COBLL1: variants seen among roughly 807,000 people sequenced by gnomAD.
The protein encoded by COBLL1 is cordon-bleu WH2 repeat protein like 1, also known as cordon-bleu protein-like 1.
In COBLL1, 50 loss-of-function variants were observed where a neutral mutation model predicts 94.8. The observed-to-expected ratio is 0.53, with a 90% CI of 0.42 to 0.67. COBLL1 has a LOEUF of 0.67. Among genes scored for constraint, COBLL1 ranks in the 30% least tolerant of loss-of-function variants. The probability of loss-of-function intolerance (pLI) is 0.00; values close to 1 mark genes in which losing one functional copy is unlikely to be tolerated. For synonymous variants in COBLL1, 448 were observed against 473.8 expected, an observed-to-expected ratio of 0.95 and a Z score of 0.71; for missense variants, 1,362 against 1,348.7, an observed-to-expected ratio of 1.01 and a Z score of -0.15.
intron 1 of COBLL1, among the ~76,000 whole-genome samples, chr2:164,673,292 G>A (rs1363723487): frequency 1.3e-5 from 2 of 152,166 alleles, no homozygotes; most frequent in Non-Finnish European, 2.9e-5. Context: ...TAAGAAAGGC[G>A]CAATGGAGAG....
intron 2 of COBLL1, among the ~76,000 whole-genome samples, chr2:164,795,474 T>C (rs1574602923): frequency 6.6e-6 from 1 of 152,182 alleles, no homozygotes. Flanking sequence ...AAATTAACCA[T>C]TGCAAATATC....
chr2:164,730,630 T>C (rs1478314932), intron 3 of COBLL1, among the ~76,000 whole-genome samples: 1 of 152,204 alleles, frequency 6.6e-6, no homozygotes, highest in African/African-American at 2.4e-5. Flanking sequence ...AGAGCATAGA[T>C]CCTAGTGTCA....
At chr2:164,797,266 A>G (rs1683512588) in intron 2 of COBLL1, among the ~76,000 whole-genome samples, 1 of 152,204 alleles carries the variant, frequency 6.6e-6, no homozygotes, top group Non-Finnish European at 1.5e-5. Context: ...TAAATAAGCT[A>G]ATCAGTTTCC....
chr2:164,842,006 A>C, upstream of COBLL1: 1 of 1,540,056 alleles, frequency 6.5e-7, no homozygotes, highest in South Asian at 1.2e-5. Context: ...CCGCCTCTGC[A>C]GCACGGCCGC....
chr2:164,770,178 G>A (rs1254300115), intron 2 of COBLL1, among the ~76,000 whole-genome samples: 3 of 151,964 alleles, frequency 2.0e-5, no homozygotes, highest in Non-Finnish European at 4.4e-5. Context: ...ACCCAGAGAA[G>A]TTCATTTCAA....
intron 1 of COBLL1, among the ~76,000 whole-genome samples, chr2:164,667,495 T>G (rs1024662174): frequency 1.2e-4 from 19 of 152,348 alleles, no homozygotes; most frequent in African/African-American, 4.3e-4. Context: ...GAAGGCTGTT[T>G]TGTCTATGTT....
intron 2 of COBLL1, among the ~76,000 whole-genome samples, chr2:164,753,335 T>G (rs981319141): frequency 2.6e-5 from 4 of 152,138 alleles, no homozygotes; most frequent in Non-Finnish European, 5.9e-5. Flanking sequence ...CATTCATCAC[T>G]TCAGGCTTTC....
In COBLL1 at chr2:164,695,209, T is replaced by C. The variant is rs1490850308; in HGVS notation, c.2183A>G (p.Lys728Arg). ...SNEITREYIP[K>R]IGMTTYKIVP... ...TATTTTATAAGTAGTCATGCCAATT[T>C]TGGGTATATACTCTCGTGTAATTTC... Residue 728 changes from lysine (K) to arginine (R), a missense_variant, in exon 12 of 14, where the codon AAA (lysine) becomes AGA (arginine). Transcript: ENST00000652658. The C allele has an allele frequency of 6.2e-7, 1 of 1,614,008 alleles. No individual in the cohort carries two copies. Among genetic ancestry groups the C allele is most frequent in the Non-Finnish European group, 8.5e-7 (1 of 1,179,954 alleles).
chr2:164,838,037 A>G (rs913412835), intron 2 of COBLL1, among the ~76,000 whole-genome samples: 1 of 152,144 alleles, frequency 6.6e-6, no homozygotes, highest in African/African-American at 2.4e-5. Context: ...AAGGGATCTA[A>G]TCTAGAATGG....
chr2:164,781,478 A>C (rs1055262717), intron 2 of COBLL1, among the ~76,000 whole-genome samples: 1 of 152,182 alleles, frequency 6.6e-6, no homozygotes, highest in Admixed American at 6.5e-5. Context: ...TTCACTGTAC[A>C]CTTACTGCAG....
chr2:164,814,394 T>C (rs919122564), intron 2 of COBLL1, among the ~76,000 whole-genome samples: 9 of 152,196 alleles, frequency 5.9e-5, no homozygotes, highest in Non-Finnish European at 8.8e-5. Flanking sequence ...AAAGAGTCTT[T>C]ACTTTCTGCT....
chr2:164,807,136 G>A (rs1168961579), intron 2 of COBLL1, among the ~76,000 whole-genome samples: 2 of 151,942 alleles, frequency 1.3e-5, no homozygotes, highest in Non-Finnish European at 2.9e-5. Flanking sequence ...AGTCTATTTT[G>A]ACCTTCCCCT....
chr2:164,719,284 T>C (rs1456753036), intron 7 of COBLL1, among the ~76,000 whole-genome samples: 1 of 152,114 alleles, frequency 6.6e-6, no homozygotes, highest in Non-Finnish European at 1.5e-5. Context: ...GTCTTCCAGG[T>C]AGTCATGAGT....
intron 3 of COBLL1, among the ~76,000 whole-genome samples, chr2:164,734,737 A>C (rs1454165089): frequency 6.6e-6 from 1 of 152,154 alleles, no homozygotes; most frequent in Non-Finnish European, 1.5e-5. Flanking sequence ...GCAGGATTGG[A>C]GGGACAAAGT....
At chr2:164,764,758 C>T (rs1466955668) in intron 2 of COBLL1, among the ~76,000 whole-genome samples, 2 of 151,990 alleles carry the variant, frequency 1.3e-5, no homozygotes. Flanking sequence ...AATTTTAACA[C>T]TAAAAGAATG....
chr2:164,741,891 G>A (rs537651743), intron 3 of COBLL1, among the ~76,000 whole-genome samples: 1 of 152,252 alleles, frequency 6.6e-6, no homozygotes, highest in South Asian at 2.1e-4. Flanking sequence ...AATTAGACTT[G>A]AGGAGGATGA....
intron 2 of COBLL1, among the ~76,000 whole-genome samples, chr2:164,798,487 A>C (rs1210973367): frequency 6.6e-6 from 1 of 152,166 alleles, no homozygotes; most frequent in Non-Finnish European, 1.5e-5. Context: ...TCAAGCCAAA[A>C]AAGGTTATCT....
At chr2:164,786,527 A>G (rs1688963670) in intron 2 of COBLL1, among the ~76,000 whole-genome samples, 1 of 152,182 alleles carries the variant, frequency 6.6e-6, no homozygotes, top group African/African-American at 2.4e-5. Flanking sequence ...TTTGGAAAAC[A>G]GCAAGCAGCT....
chr2:164,695,277 T>C lies in COBLL1; in HGVS notation c.2115A>G (p.Pro705=). ...TGGGATTGTAGTCCTGTCTATAAAG[T>C]GGGTAATTCTTTAGGTAAGAAGCAG... ...NSTASYLKNY[P]LYRQDYNPKP... is the part of the protein sequence containing the mutation. The change falls in exon 12 of 14, where the codon CCA becomes CCG. Residue 705 remains proline (P), a synonymous_variant. Coordinates refer to ENST00000652658, the MANE Select transcript of COBLL1 (RefSeq NM_001365672.2). 2 of 1,613,912 alleles carry C rather than the reference T, an allele frequency of 1.2e-6. No homozygotes were observed. The highest frequency in any genetic ancestry group is 1.1e-5 in the South Asian group (1 of 91,070).
Sources: gnomAD v4.1 joint callset for allele counts (sites outside exome capture counted in the v4.1 genomes callset) on GRCh38, gnomAD v4.1.1 for gene constraint, MANE v1.5 for transcripts, NCBI Gene and HGNC (gene_info 2026-07-23, HGNC 2026-07-21) for gene names.